Variants in LDB1 observed in about 807,000 individuals in gnomAD.
The protein encoded by LDB1 is LIM domain binding 1, also known as LIM domain-binding protein 1.
LDB1 carries 6 observed loss-of-function variants against 49.7 expected under a neutral mutation model. The ratio of observed to expected loss-of-function variants is 0.12; its 90% CI spans 0.07 to 0.24. The LOEUF (loss-of-function observed/expected upper bound fraction) is 0.24. Among genes scored for constraint, LDB1 ranks in the 10% least tolerant of loss-of-function variants. The probability of loss-of-function intolerance (pLI) is 1.00; values close to 1 mark genes in which losing one functional copy is unlikely to be tolerated. For synonymous variants in LDB1, 233 were observed against 202.0 expected (o/e 1.15, Z -1.30); for missense variants, 341 against 561.7 (o/e 0.61, Z 3.97).
chr10:102,106,319 T>C (rs1448934221), downstream of LDB1, among the ~76,000 whole-genome samples: 1 of 151,592 alleles, frequency 6.6e-6, no homozygotes, highest in African/African-American at 2.4e-5. Flanking sequence ...GAACAAACTT[T>C]AGGGTCTTGG....
chr10:102,114,848 C>T lies in LDB1; in HGVS notation c.26-3312G>A, dbSNP rs563886285. ...CTCCCCAGGCCACCGGGCCCCTCTG[C>T]TGGGGGCACCAGGAGAGGCAGGACC... On this transcript the variant is annotated intron_variant, in intron 1 of 10. Transcript: ENST00000673968. 4.3e-6 allele frequency: 4 copies of T among 936,468 alleles called. No homozygotes were observed. In the South Asian group the frequency reaches 1.5e-4, roughly 35 times the overall value. The allele number at this position is 936,468 out of a possible 1,614,324, so 58.0% of individuals were successfully genotyped here. A position where few individuals can be genotyped will look rare whatever the true frequency, so the allele number is the denominator to read the frequency against.
In LDB1 at chr10:102,120,298, G is replaced by A; in HGVS notation, c.-188C>T. ...GGGCCTGTCAGGCGCGGAGCAGACA[G>A]GAAGGAAGCCAGGCAGGAAGGCGAG... On this transcript the variant is annotated 5_prime_UTR_variant, in exon 1 of 11. Transcript: ENST00000673968. 1 of 984,318 alleles carries A rather than the reference G, an allele frequency of 1.0e-6. No individual in the cohort carries two copies. The highest frequency in any genetic ancestry group is 4.7e-5 in the South Asian group (1 of 21,422). The allele number at this position is 984,318 out of a possible 1,614,324, so 61.0% of individuals were successfully genotyped here. A position where few individuals can be genotyped will look rare whatever the true frequency, so the allele number is the denominator to read the frequency against.
chr10:102,104,853 T>G (rs2068142233), downstream of LDB1, among the ~76,000 whole-genome samples: 1 of 152,112 alleles, frequency 6.6e-6, no homozygotes, highest in Non-Finnish European at 1.5e-5. Flanking sequence ...CAACACACCC[T>G]CATTTACGGA....
chr10:102,110,735 G>A (rs1337343043), intron 5 of LDB1, 34 bp from the exon 6 acceptor site: 2 of 1,603,612 alleles, frequency 1.2e-6, no homozygotes, highest in Non-Finnish European at 1.7e-6. Flanking sequence ...CAGGACAAAG[G>A]GACCGCAAAA....
chr10:102,115,806 A>AT (rs1303716659), intron 1 of LDB1, among the ~76,000 whole-genome samples: 1 of 150,112 alleles, frequency 6.7e-6, no homozygotes, highest in African/African-American at 2.4e-5. Flanking sequence ...AGATATTTCT[A>AT]TTTTTTTTCC....
At chr10:102,113,419 T>C (rs901667262) in intron 1 of LDB1, among the ~76,000 whole-genome samples, 1 of 152,176 alleles carries the variant, frequency 6.6e-6, no homozygotes, top group Non-Finnish European at 1.5e-5. Context: ...CACATCCATA[T>C]GCTCCAAGAA....
downstream of LDB1, among the ~76,000 whole-genome samples, chr10:102,104,661 C>T (rs2068140502): frequency 6.6e-6 from 1 of 152,108 alleles, no homozygotes; most frequent in Admixed American, 6.5e-5. Flanking sequence ...CTGACCTACC[C>T]CCTGCCCCCA....
downstream of LDB1, among the ~76,000 whole-genome samples, chr10:102,103,481 T>G (rs557880453): frequency 1.2e-4 from 19 of 152,144 alleles, no homozygotes; most frequent in African/African-American, 4.6e-4. Context: ...GCTGGGACTA[T>G]AGATGCACCA....
In LDB1 at chr10:102,107,982, A is replaced by G. The variant is rs1223646235; in HGVS notation, c.*111T>C. On this transcript the variant is annotated 3_prime_UTR_variant, in exon 11 of 11. Coordinates refer to ENST00000673968, the MANE Select transcript of LDB1 (RefSeq NM_001113407.3). ...TCCAGTTCCTCCCTGAAGCGGGTGG[A>G]TGGAGGCTGCCCATTTTAGATGCTC... 3 of 883,218 alleles carry G rather than the reference A, an allele frequency of 3.4e-6. No homozygotes were observed. The highest frequency in any genetic ancestry group is 1.7e-5 in the African/African-American group (1 of 60,426). 54.7% of individuals were successfully genotyped at this position (883,218 alleles called of 1,614,324 possible). A position where few individuals can be genotyped will look rare whatever the true frequency, so the allele number is the denominator to read the frequency against.
intron 10 of LDB1, 35 bp downstream of exon 10, chr10:102,108,993 GC>G (rs1273392184): frequency 3.7e-6 from 6 of 1,614,030 alleles, no homozygotes; most frequent in Non-Finnish European, 5.1e-6. Context: ...GAGTGGTGGG[GC>G]AGCCCAGAAG....
At chr10:102,114,781 C>T (rs1257219201) in intron 1 of LDB1, 30 of 962,590 alleles carry the variant, frequency 3.1e-5, no homozygotes, top group Non-Finnish European at 6.2e-6. Flanking sequence ...CTCTCCCCGC[C>T]GCCGCCTCTT....
rs1399063822 is a variant in LDB1, at chr10:102,107,889, G to A, written c.*204C>T. 3.3e-6 allele frequency: 2 copies of A among 606,480 alleles called. No individual in the cohort carries two copies. The highest frequency in any genetic ancestry group is 2.8e-5 in the East Asian group (1 of 36,288). The allele number at this position is 606,480 out of a possible 1,614,324, so 37.6% of individuals were successfully genotyped here. A position where few individuals can be genotyped will look rare whatever the true frequency, so the allele number is the denominator to read the frequency against. ...CATGAGTACCCCCTCCCCCTAAAAG[G>A]CTCTGTAGAGGCCAGGCCCAGCCCA... On this transcript the variant is annotated 3_prime_UTR_variant, in exon 11 of 11. Coordinates refer to ENST00000673968, the MANE Select transcript of LDB1 (RefSeq NM_001113407.3).
At chr10:102,114,211 C>G (rs1386773427) in intron 1 of LDB1, among the ~76,000 whole-genome samples, 1 of 152,140 alleles carries the variant, frequency 6.6e-6, no homozygotes, top group East Asian at 1.9e-4. Flanking sequence ...GCACCTCCAG[C>G]TGGGTATTGC....
In LDB1 at chr10:102,108,975, T is replaced by A. The variant is rs757956814; in HGVS notation, c.1005+54A>T. 3 of 1,612,116 alleles carry A rather than the reference T, an allele frequency of 1.9e-6. No homozygotes were observed. The South Asian group carries it at 3.3e-5, about 18-fold the overall frequency. On this transcript the variant is annotated intron_variant, in intron 10 of 10. Coordinates refer to ENST00000673968, the MANE Select transcript of LDB1 (RefSeq NM_001113407.3). The stretch of plus-strand genomic sequence containing the variant: ...TAGTGAGCTCAGGCTTGGAAAGGGG[T>A]CAGGGGTGAGTGGTGGGGCAGCCCA...
At position 102,108,064 on chromosome 10, in the gene LDB1, AG is replaced by A. The variant is rs1199619608; in HGVS notation, c.*28del. ...GCTGTGAGGGGTGGGGCAGGTAGGC[AG>A]AGCACTGGGTGGCCACAGCAGGGCC... On this transcript the variant is annotated 3_prime_UTR_variant, in exon 11 of 11. Transcript: ENST00000673968. 2 of 1,543,630 alleles carry A rather than the reference AG, an allele frequency of 1.3e-6. No homozygotes were observed. Among genetic ancestry groups the A allele is most frequent in the Admixed American group, 3.3e-5 (2 of 59,886 alleles).
At position 102,109,956 on chromosome 10, in the gene LDB1, G is replaced by T. The variant is rs767495198; in HGVS notation, c.613C>A (p.Arg205=). 5 of 1,611,050 alleles carry T rather than the reference G, an allele frequency of 3.1e-6. No individual in the cohort carries two copies. The African/African-American group carries it at 4.0e-5, about 13-fold the overall frequency. ...KTWHFSIRQH[R]ELIPRSILAM... ...AGGATGCTGCGGGGGATGAGCTCTCGGTGCTGCCGGATGCTGAAGTGCCAC... is the reference window on the plus strand; with the variant it reads ...AGGATGCTGCGGGGGATGAGCTCTCTGTGCTGCCGGATGCTGAAGTGCCAC... The change falls in exon 7 of 11, where the codon CGA becomes AGA. Residue 205 remains arginine, a synonymous_variant. Coordinates refer to ENST00000673968, the MANE Select transcript of LDB1 (RefSeq NM_001113407.3). The surrounding 1 kb of genome is among the most constrained non-coding windows in gnomAD (Gnocchi z 5.8).
rs1318426179 is a variant in LDB1, at chr10:102,111,283, G to T, written c.146C>A (p.Pro49Gln). 1 of 1,614,122 alleles carries T rather than the reference G, an allele frequency of 6.2e-7. No homozygotes were observed. Among genetic ancestry groups the T allele is most frequent in the African/African-American group, 1.3e-5 (1 of 75,038 alleles). Residue 49 changes from proline (P) to glutamine (Q), a missense_variant, in exon 3 of 11, where the codon CCG becomes CAG. Pro to Gln is a moderately conservative substitution (Grantham distance 76, BLOSUM62 -1). This residue lies in a region of LDB1 where 48 missense variants were observed against 43.9 expected (regional missense o/e 1.09). Coordinates refer to ENST00000673968, the MANE Select transcript of LDB1 (RefSeq NM_001113407.3). ...AATCCCTGGCTCCAGGTATGTAGGC[G>T]GATACATGGGAGTTGGGCTGTGTAA... Reference protein sequence around the residue: ...DRDVGPTPMYPPTYLEPGIGR... With the variant: ...DRDVGPTPMYQPTYLEPGIGR...
At chr10:102,121,221 A>G (rs1294939409), upstream of LDB1, among the ~76,000 whole-genome samples, 2 of 151,898 alleles carry the variant, frequency 1.3e-5, no homozygotes, top group African/African-American at 4.8e-5. Flanking sequence ...TTGCAGACTG[A>G]CGCATCAGTC....
At chr10:102,120,000 C>A in intron 1 of LDB1, 86 bp downstream of exon 1, 2 of 1,112,420 alleles carry the variant, frequency 1.8e-6, no homozygotes, top group Non-Finnish European at 2.5e-6. Context: ...CGACGCCCCC[C>A]ACACAAGTTC....
Sources: gnomAD v4.1 joint callset for allele counts (sites outside exome capture counted in the v4.1 genomes callset) on GRCh38, gnomAD v4.1.1 for gene constraint, gnomAD v4.1.1 regional missense constraint, Gnocchi (gnomAD v3.1) non-coding constraint, MANE v1.5 for transcripts, NCBI Gene and HGNC (gene_info 2026-07-23, HGNC 2026-07-21) for gene names.